Variants in SLC8A3 observed in about 807,000 individuals in gnomAD.
SLC8A3 encodes sodium/calcium exchanger 3.
Under a neutral mutation model 65.4 loss-of-function variants are expected in SLC8A3, and 37 were observed. That is an observed-to-expected ratio of 0.57 (90% confidence interval 0.44 to 0.74). SLC8A3 has a LOEUF of 0.74. Among genes scored for constraint, SLC8A3 ranks in the 30% least tolerant of loss-of-function variants. SLC8A3 has a pLI of 0.00. For missense variants in SLC8A3, 1,112 were observed against 1,172.1 expected, an observed-to-expected ratio of 0.95 and a Z score of 0.75; for synonymous variants, 461 against 444.5, an observed-to-expected ratio of 1.04 and a Z score of -0.47.
intron 2 of SLC8A3, among the ~76,000 whole-genome samples, chr14:70,120,713 G>A (rs1014124826): frequency 1.3e-5 from 2 of 152,202 alleles, no homozygotes; most frequent in Non-Finnish European, 2.9e-5. Flanking sequence ...TTGAGCCTTA[G>A]CTTCCTTATC....
chr14:70,083,322 G>A (rs553641462), intron 2 of SLC8A3, among the ~76,000 whole-genome samples: 30 of 152,236 alleles, frequency 2.0e-4, no homozygotes, highest in Admixed American at 7.8e-4. Context: ...CACCCTGCAG[G>A]TTGGGCAGGG....
At chr14:70,140,893 G>C (rs1199109878) in intron 2 of SLC8A3, among the ~76,000 whole-genome samples, 3 of 152,098 alleles carry the variant, frequency 2.0e-5, no homozygotes, top group African/African-American at 7.2e-5. Flanking sequence ...CCCCTAATTA[G>C]ACTATAAGCT....
intron 2 of SLC8A3, among the ~76,000 whole-genome samples, chr14:70,110,830 G>A (rs1395531669): frequency 1.3e-5 from 2 of 151,994 alleles, no homozygotes; most frequent in Non-Finnish European, 2.9e-5. Flanking sequence ...ACAGGTGCCC[G>A]CCACCGCGCC....
At chr14:70,051,939 C>T (rs770622808) in intron 4 of SLC8A3, 51 bp downstream of exon 4, 1 of 1,534,276 alleles carries the variant, frequency 6.5e-7, no homozygotes, top group South Asian at 1.1e-5. Context: ...GGTCTTCTGC[C>T]TCCCACTTTA....
intron 2 of SLC8A3, among the ~76,000 whole-genome samples, chr14:70,083,859 C>A (rs1359354512): frequency 2.0e-5 from 3 of 152,118 alleles, no homozygotes; most frequent in Non-Finnish European, 2.9e-5. Context: ...TTGAGCATTA[C>A]CCAATCCATA....
At chr14:70,067,836 T>C (rs1239478899) in intron 2 of SLC8A3, among the ~76,000 whole-genome samples, 2 of 152,172 alleles carry the variant, frequency 1.3e-5, no homozygotes, top group East Asian at 3.9e-4. Flanking sequence ...TCAGATTTTT[T>C]TGGGCCCCCC....
rs1408990692 is a variant in SLC8A3, at chr14:70,167,148, C to T, written c.1275G>A (p.Met425Ile). ...LLTVVRKGGD[M>I]SKTMYVDYKT... ...TGTAGTCCACATACATGGTCTTTGA[C>T]ATGTCTCCCCCTTTCCTCACCACTG... is the stretch of plus-strand genomic sequence containing the variant. The change falls in exon 2 of 7, where the codon ATG (methionine) becomes ATA (isoleucine). Residue 425 changes from methionine (M) to isoleucine (I), a missense_variant. Transcript: ENST00000356921. 3 of 1,614,098 alleles carry T rather than the reference C, an allele frequency of 1.9e-6. No homozygotes were observed. Among genetic ancestry groups the T allele is most frequent in the Admixed American group, 1.7e-5 (1 of 60,008 alleles).
At chr14:70,110,949 G>A (rs893983901) in intron 2 of SLC8A3, among the ~76,000 whole-genome samples, 2 of 152,060 alleles carry the variant, frequency 1.3e-5, no homozygotes, top group Non-Finnish European at 2.9e-5. Flanking sequence ...CAAAGTGCTG[G>A]GATTACAGGC....
At chr14:70,150,792 G>A (rs1032503148) in intron 2 of SLC8A3, among the ~76,000 whole-genome samples, 5 of 152,168 alleles carry the variant, frequency 3.3e-5, no homozygotes, top group Non-Finnish European at 7.3e-5. Flanking sequence ...AAGGGGATTT[G>A]GAGAATAGGC....
chr14:70,125,145 G>A (rs1383812140), intron 2 of SLC8A3, among the ~76,000 whole-genome samples: 1 of 152,180 alleles, frequency 6.6e-6, no homozygotes, highest in Non-Finnish European at 1.5e-5. Context: ...AGGAGCAGTA[G>A]TTCTCAGCCC....
chr14:70,143,789 C>A (rs1055907702), intron 2 of SLC8A3, among the ~76,000 whole-genome samples: 1 of 152,164 alleles, frequency 6.6e-6, no homozygotes, highest in African/African-American at 2.4e-5. Flanking sequence ...TCCCATACCC[C>A]TCTCTTCCCC....
chr14:70,088,901 A>G (rs1455792938), intron 2 of SLC8A3, among the ~76,000 whole-genome samples: 1 of 151,980 alleles, frequency 6.6e-6, no homozygotes, highest in Non-Finnish European at 1.5e-5. Flanking sequence ...CCTCATGAAC[A>G]CATTTTCTTT....
intron 2 of SLC8A3, among the ~76,000 whole-genome samples, chr14:70,139,763 G>C (rs1895446063): frequency 6.6e-6 from 1 of 152,198 alleles, no homozygotes; most frequent in African/African-American, 2.4e-5. Flanking sequence ...TAGATGAATG[G>C]ACCTGACCTA....
At chr14:70,188,304 G>T (rs1883516022) in intron 1 of SLC8A3, 75 bp downstream of exon 1, 1 of 152,392 alleles carries the variant, frequency 6.6e-6, no homozygotes, top group Non-Finnish European at 1.5e-5. Flanking sequence ...GGCATCCCAA[G>T]CCCCCCAACC....
At chr14:70,077,036 C>G (rs1250075036) in intron 2 of SLC8A3, among the ~76,000 whole-genome samples, 2 of 152,138 alleles carry the variant, frequency 1.3e-5, no homozygotes, top group African/African-American at 4.8e-5. Context: ...ATAATGGAAC[C>G]AAAACCCCAC....
At chr14:70,091,721 T>C (rs1362903830) in intron 2 of SLC8A3, among the ~76,000 whole-genome samples, 10 of 152,218 alleles carry the variant, frequency 6.6e-5, no homozygotes. Flanking sequence ...TTTCAATACT[T>C]ACTTCAAACT....
intron 2 of SLC8A3, among the ~76,000 whole-genome samples, chr14:70,113,708 A>C (rs554628412): frequency 3.9e-5 from 6 of 152,338 alleles, no homozygotes; most frequent in African/African-American, 1.4e-4. Context: ...TAAATTGTTA[A>C]CACTATAACC....
chr14:70,150,857 T>C (rs1164272494), intron 2 of SLC8A3, among the ~76,000 whole-genome samples: 1 of 152,114 alleles, frequency 6.6e-6, no homozygotes, highest in Admixed American at 6.5e-5. Context: ...TGGGTCCTTG[T>C]TTTCCATGGC....
chr14:70,186,976 T>A (rs1883283693), intron 1 of SLC8A3: 1 of 152,252 alleles, frequency 6.6e-6, no homozygotes, highest in African/African-American at 2.4e-5. Flanking sequence ...GGAAGATTAA[T>A]CACACGCCGC....
Sources: gnomAD v4.1 joint callset for allele counts (sites outside exome capture counted in the v4.1 genomes callset) on GRCh38, gnomAD v4.1.1 for gene constraint, MANE v1.5 for transcripts, NCBI Gene and HGNC (gene_info 2026-07-23, HGNC 2026-07-21) for gene names.